STOX2: variants seen among roughly 807,000 people sequenced by gnomAD.
STOX2 encodes storkhead box 2, also known as storkhead-box protein 2.
Under a neutral mutation model 60.9 loss-of-function variants are expected in STOX2, and 28 were observed. The observed-to-expected ratio is 0.46, with a 90% CI of 0.34 to 0.63. The LOEUF (loss-of-function observed/expected upper bound fraction) is 0.63. STOX2 is among the 30% of genes least tolerant of loss of function. STOX2 has a pLI of 0.01. For synonymous variants in STOX2, 472 were observed against 463.9 expected (o/e 1.02, Z -0.22); for missense variants, 1,024 against 1,187.7 (o/e 0.86, Z 2.03).
At chr4:184,013,292 T>C (rs1970888) in intron 3 of STOX2, among the ~76,000 whole-genome samples, 5,725 of 152,350 alleles carry the variant, frequency 0.038, 315 homozygotes, top group African/African-American at 0.12. Context: ...CCAGTATCTC[T>C]ACAGAATATA....
rs540897916 is a variant in STOX2, at chr4:183,922,512, A to G, written c.166+15556A>G. On this transcript the variant is annotated intron_variant, in intron 1 of 3. Transcript: ENST00000308497. Reference sequence around the variant, plus strand: ...AGGCGCCCCCCACCACGCCCGGCTAATTTTTGTATTTTTAGTAGAGACGGG... The same window carrying G: ...AGGCGCCCCCCACCACGCCCGGCTAGTTTTTGTATTTTTAGTAGAGACGGG... Among the ~76,000 whole-genome samples the G allele has an allele frequency of 3.4e-3, 511 of 151,794 alleles. 4 individuals carry two copies. The highest frequency in any genetic ancestry group is 0.011 in the African/African-American group (454 of 41,400).
At chr4:183,908,205 C>T (rs1741672992) in intron 1 of STOX2, among the ~76,000 whole-genome samples, 1 of 152,186 alleles carries the variant, frequency 6.6e-6, no homozygotes, top group South Asian at 2.1e-4. Context: ...CAATAAGGCT[C>T]CCTTGATTTT....
intron 1 of STOX2, among the ~76,000 whole-genome samples, chr4:183,870,937 A>G (rs1740673772): frequency 1.3e-5 from 2 of 152,244 alleles, no homozygotes; most frequent in Admixed American, 1.3e-4. Flanking sequence ...GAAATCTTAT[A>G]TGATTCTATC....
chr4:183,970,452 A>C (rs1326232889), intron 1 of STOX2, among the ~76,000 whole-genome samples: 1 of 152,144 alleles, frequency 6.6e-6, no homozygotes, highest in African/African-American at 2.4e-5. Flanking sequence ...CAGATGAAGC[A>C]CAGTTTGCCA....
In STOX2 at chr4:184,009,777, A is replaced by C; in HGVS notation, c.939A>C (p.Glu313Asp). The C allele has an allele frequency of 1.2e-6, 2 of 1,613,268 alleles. No individual in the cohort carries two copies. Among genetic ancestry groups the C allele is most frequent in the African/African-American group, 1.3e-5 (1 of 75,046 alleles). The change falls in exon 3 of 4, where the codon GAA (glutamate) becomes GAC (aspartate). Residue 313 changes from glutamate (E) to aspartate (D), a missense_variant. This residue lies in a region of STOX2 where 922 missense variants were observed against 1,058.3 expected (regional missense o/e 0.87). Coordinates refer to ENST00000308497, the MANE Select transcript of STOX2 (RefSeq NM_020225.3). The surrounding 1 kb of genome is among the most constrained non-coding windows in gnomAD (Gnocchi z 4.0). Reference protein sequence around the residue: ...PATIPREVEMEIIRRINPDLT... With the variant: ...PATIPREVEMDIIRRINPDLT... ...CGATCCCTCGGGAAGTAGAGATGGA[A>C]ATCATTAGGCGCATTAACCCAGACC...
intron 1 of STOX2, among the ~76,000 whole-genome samples, chr4:183,970,619 C>T (rs1036476785): frequency 2.6e-5 from 4 of 152,146 alleles, no homozygotes; most frequent in African/African-American, 4.8e-5. Context: ...GGGTGGCCCC[C>T]GCTCTCAGCT....
chr4:183,942,336 G>GTTT (rs11295405), intron 1 of STOX2, among the ~76,000 whole-genome samples: 3 of 130,600 alleles, frequency 2.3e-5, no homozygotes, highest in African/African-American at 5.7e-5. Flanking sequence ...AGGCTTCTAG[G>GTTT]TTTTTTTTTT....
At chr4:183,805,750 C>G (rs1738875586) in intron 1 of STOX2, among the ~76,000 whole-genome samples, 1 of 152,196 alleles carries the variant, frequency 6.6e-6, no homozygotes, top group Non-Finnish European at 1.5e-5. Context: ...GAGATGGAAG[C>G]TACAGTGAGC....
At chr4:183,917,527 A>G (rs193119557) in intron 1 of STOX2, among the ~76,000 whole-genome samples, 17 of 152,298 alleles carry the variant, frequency 1.1e-4, no homozygotes, top group Admixed American at 1.3e-4. Flanking sequence ...ACTCATTTGG[A>G]TTTTCATTTC....
chr4:183,904,779 A>T (rs1361232299), upstream of STOX2, among the ~76,000 whole-genome samples: 1 of 152,200 alleles, frequency 6.6e-6, no homozygotes, highest in East Asian at 1.9e-4. Context: ...GTTCTTCAAG[A>T]TAGTTGCTAC....
At chr4:183,951,224 GAAA>G (rs70959161) in intron 1 of STOX2, among the ~76,000 whole-genome samples, 1 of 125,186 alleles carries the variant, frequency 8.0e-6, no homozygotes, top group Non-Finnish European at 1.7e-5. Context: ...CAAAAAAAAA[GAAA>G]AAAAAAAAAA....
intron 1 of STOX2, among the ~76,000 whole-genome samples, chr4:183,898,501 G>T (rs1032325287): frequency 3.3e-5 from 5 of 152,210 alleles, no homozygotes; most frequent in African/African-American, 1.2e-4. Flanking sequence ...TAAGAATTTG[G>T]AGATCCAGGA....
intron 1 of STOX2, among the ~76,000 whole-genome samples, chr4:183,909,622 C>A (rs1741721574): frequency 6.6e-6 from 1 of 152,150 alleles, no homozygotes; most frequent in South Asian, 2.1e-4. Context: ...TTATGGGAAA[C>A]AGTCACTTAG....
At chr4:184,002,768 G>A (rs987562426) in intron 2 of STOX2, among the ~76,000 whole-genome samples, 3 of 152,188 alleles carry the variant, frequency 2.0e-5, no homozygotes, top group Non-Finnish European at 2.9e-5. Flanking sequence ...AAGAGAACGG[G>A]AGGACGAATT....
At chr4:183,850,030 C>G (rs1268209930) in intron 1 of STOX2, among the ~76,000 whole-genome samples, 1 of 151,870 alleles carries the variant, frequency 6.6e-6, no homozygotes, top group African/African-American at 2.4e-5. Context: ...GTGGCAAGAT[C>G]TTGGCTCACC....
chr4:183,904,113 A>G (rs1213866106), upstream of STOX2, among the ~76,000 whole-genome samples: 1 of 152,162 alleles, frequency 6.6e-6, no homozygotes, highest in Non-Finnish European at 1.5e-5. Flanking sequence ...GGTTCACAAT[A>G]GGGTTCGTGC....
At chr4:183,971,085 G>A (rs1164246635) in intron 1 of STOX2, among the ~76,000 whole-genome samples, 1 of 152,116 alleles carries the variant, frequency 6.6e-6, no homozygotes, top group African/African-American at 2.4e-5. Flanking sequence ...TATCTGAGGG[G>A]TTTTTTTGGT....
chr4:183,974,584 G>A (rs1362738437), intron 1 of STOX2, among the ~76,000 whole-genome samples: 1 of 152,086 alleles, frequency 6.6e-6, no homozygotes, highest in Non-Finnish European at 1.5e-5. Flanking sequence ...ATAGTAGACT[G>A]TAGAGCAAGA....
chr4:183,938,543 C>T (rs935002234), intron 1 of STOX2, among the ~76,000 whole-genome samples: 1 of 151,976 alleles, frequency 6.6e-6, no homozygotes, highest in African/African-American at 2.4e-5. Flanking sequence ...GTGGTGCACG[C>T]CTGTAATCCC....
Sources: gnomAD v4.1 joint callset for allele counts (sites outside exome capture counted in the v4.1 genomes callset) on GRCh38, gnomAD v4.1.1 for gene constraint, gnomAD v4.1.1 regional missense constraint, Gnocchi (gnomAD v3.1) non-coding constraint, MANE v1.5 for transcripts, NCBI Gene and HGNC (gene_info 2026-07-23, HGNC 2026-07-21) for gene names.